The following ATP7B variants were observed in gnomAD, a reference collection of about 807,000 sequenced individuals.
The protein encoded by ATP7B is ATPase copper transporting beta, also known as copper-transporting ATPase 2.
Under a neutral mutation model 118.9 loss-of-function variants are expected in ATP7B, and 113 were observed. That is an observed-to-expected ratio of 0.95 (90% CI 0.82 to 1.11). ATP7B has a LOEUF of 1.11. Ranked by LOEUF, ATP7B falls within the 50% of genes most tolerant of loss-of-function variation. The probability of loss-of-function intolerance (pLI) is 0.00; values close to 1 mark genes in which losing one functional copy is unlikely to be tolerated. For synonymous variants in ATP7B, 777 were observed against 727.4 expected (o/e 1.07, Z -1.10); for missense variants, 1,867 against 1,871.4 (o/e 1.00, Z 0.04).
chr13:51,937,513 T>C lies in ATP7B; in HGVS notation c.3866A>G (p.Asp1289Gly), dbSNP rs1330898210. Reference sequence around the variant, plus strand: ...GACGTCGGCTGCCTCGATGGCCACATCCGTGCCGGTGCCAATGGCCACACC... The same window carrying C: ...GACGTCGGCTGCCTCGATGGCCACACCCGTGCCGGTGCCAATGGCCACACC... ...DMGVAIGTGT[D>G]VAIEAADVVL... The change falls in exon 18 of 21, where the codon GAT (aspartate) becomes GGT (glycine). Residue 1289 changes from aspartate (D) to glycine (G), a missense_variant. Asp to Gly is a moderately conservative substitution (Grantham distance 94). Transcript: ENST00000242839. The C allele has an allele frequency of 2.5e-6, 4 of 1,614,126 alleles. No individual in the cohort carries two copies. Among genetic ancestry groups the C allele is most frequent in the Non-Finnish European group, 3.4e-6 (4 of 1,180,016 alleles).
intron 1 of ATP7B, among the ~76,000 whole-genome samples, chr13:51,978,001 A>C (rs920760864): frequency 2.0e-5 from 3 of 152,254 alleles, no homozygotes; most frequent in African/African-American, 7.2e-5. Context: ...GGCAGATCAA[A>C]GATTAACATG....
At position 51,944,215 on chromosome 13, in the gene ATP7B, C is replaced by G; in HGVS notation, c.3137G>C (p.Gly1046Ala). 6.2e-7 allele frequency: 1 copy of G among 1,614,160 alleles called. No individual in the cohort carries two copies. The highest frequency in any genetic ancestry group is 1.1e-5 in the South Asian group (1 of 91,082). The stretch of plus-strand genomic sequence containing the variant: ...CCTGAGGGGCAGTGTGGCCACATCC[C>G]CCAGCAGGAGCACCCGCATGACCCT... ...VPRVMRVLLLGDVATLPLRKV... is the reference protein window; with the variant it reads ...VPRVMRVLLLADVATLPLRKV... Residue 1046 changes from glycine to alanine, a missense_variant, in exon 14 of 21, where the codon GGG (glycine) becomes GCG (alanine). By Grantham distance (60) the Gly-to-Ala change is moderately conservative. Transcript: ENST00000242839.
chr13:51,967,224 C>T (rs929180655), intron 4 of ATP7B: 4 of 1,020,764 alleles, frequency 3.9e-6, no homozygotes, highest in African/African-American at 1.6e-5. Flanking sequence ...AATCTCCATA[C>T]TGTTTCTTTC....
rs1334355798 is a variant in ATP7B at position 51,946,300 on chromosome 13, A to C, written c.3044T>G (p.Leu1015Arg). 6.3e-7 allele frequency: 1 copy of C among 1,593,506 alleles called. No individual in the cohort carries two copies. Among genetic ancestry groups the C allele is most frequent in the East Asian group, 2.3e-5 (1 of 44,126 alleles). ...NGILIKGGKP[L>R]EMAHKIKTVM... ...CAGGCTGACCTTGTGCGCCATCTCC[A>C]GGGGCTTGCCTCCCTTGATGAGGAT... Residue 1015 changes from leucine (L) to arginine (R), a missense_variant, in exon 13 of 21, where the codon CTG becomes CGG. Leu to Arg is a moderately radical substitution (Grantham distance 102, BLOSUM62 -2). Transcript: ENST00000242839.
chr13:51,963,260 A>G (rs1750047379), intron 5 of ATP7B, among the ~76,000 whole-genome samples: 1 of 152,192 alleles, frequency 6.6e-6, no homozygotes, highest in African/African-American at 2.4e-5. Flanking sequence ...CACAAAGGCC[A>G]CTGAGCTCGG....
At chr13:51,993,470 G>C (rs1953037662) in intron 1 of ATP7B, among the ~76,000 whole-genome samples, 1 of 152,086 alleles carries the variant, frequency 6.6e-6, no homozygotes, top group South Asian at 2.1e-4. Flanking sequence ...GGCTGAGGCA[G>C]GAAAATCATT....
At position 51,934,989 on chromosome 13, in the gene ATP7B, G is replaced by A; in HGVS notation, c.4165C>T (p.His1389Tyr). ...GCCGTCAGGGGCTTCATGTGGCCAT[G>A]CGCCTGTGCCTCATACCTCTCCAGG... ...PDLERYEAQA[H>Y]GHMKPLTASQ... The change falls in exon 21 of 21, where the codon CAT (histidine) becomes TAT (tyrosine). Residue 1389 changes from histidine (H) to tyrosine (Y), a missense_variant. Physicochemically the swap from His to Tyr is moderately conservative, Grantham distance 83. Transcript: ENST00000242839. 1.2e-6 allele frequency: 2 copies of A among 1,614,080 alleles called. No homozygotes were observed. The highest frequency in any genetic ancestry group is 1.1e-5 in the South Asian group (1 of 91,084).
intron 1 of ATP7B, among the ~76,000 whole-genome samples, chr13:51,991,421 G>T (rs1000013230): frequency 6.6e-6 from 1 of 152,054 alleles, no homozygotes; most frequent in African/African-American, 2.4e-5. Context: ...TTGAGCTCGG[G>T]AGGTGGAGGT....
intron 13 of ATP7B, 88 bp downstream of exon 13, chr13:51,946,196 T>C: frequency 6.7e-7 from 1 of 1,495,150 alleles, no homozygotes; most frequent in Non-Finnish European, 9.0e-7. Flanking sequence ...CTGTCTTGAG[T>C]GGCTCTCAGG....
intron 12 of ATP7B, 102 bp downstream of exon 12, chr13:51,949,560 G>T: frequency 6.6e-7 from 1 of 1,517,430 alleles, no homozygotes; most frequent in Non-Finnish European, 9.1e-7. Flanking sequence ...AAAATGTAAT[G>T]AATAATTAAA....
chr13:51,934,330 C>T lies in ATP7B; in HGVS notation c.*426G>A, dbSNP rs893642668. ...GTCTCAGAAACATGATGCACACAGA[C>T]AGGCGTCATCAGAAAGACCCTGACA... On this transcript the variant is annotated 3_prime_UTR_variant, in exon 21 of 21. Coordinates refer to ENST00000242839, the MANE Select transcript of ATP7B (RefSeq NM_000053.4). The T allele has an allele frequency of 3.4e-6, 1 of 295,986 alleles. No homozygotes were observed. Among genetic ancestry groups the T allele is most frequent in the Non-Finnish European group, 6.7e-6 (1 of 149,062 alleles). The allele number at this position is 295,986 out of a possible 1,614,324, so 18.3% of individuals were successfully genotyped here.
At chr13:51,993,499 G>A (rs920854081) in intron 1 of ATP7B, among the ~76,000 whole-genome samples, 1 of 152,056 alleles carries the variant, frequency 6.6e-6, no homozygotes, top group Admixed American at 6.6e-5. Flanking sequence ...GAAGGTCGAG[G>A]GTGCTATGAG....
intron 15 of ATP7B, 145 bp from the exon 16 acceptor site, chr13:51,941,369 T>TA: frequency 1.1e-6 from 1 of 950,282 alleles, no homozygotes; most frequent in Admixed American, 2.6e-5. Context: ...CAGCATCCTT[T>TA]AGGACAAAAA....
chr13:51,970,816 T>A, intron 2 of ATP7B, 67 bp from the exon 3 acceptor site: 1 of 1,549,550 alleles, frequency 6.5e-7, no homozygotes. Flanking sequence ...GAACAAGAGG[T>A]TTCAGGGCTC....
At chr13:51,993,148 G>A (rs555010243) in intron 1 of ATP7B, among the ~76,000 whole-genome samples, 2 of 151,826 alleles carry the variant, frequency 1.3e-5, no homozygotes, top group Non-Finnish European at 2.9e-5. Flanking sequence ...ATACATACAC[G>A]TATACACATT....
intron 9 of ATP7B, among the ~76,000 whole-genome samples, chr13:51,951,310 T>C (rs780365693): frequency 3.3e-5 from 5 of 151,730 alleles, no homozygotes; most frequent in South Asian, 2.1e-4. Flanking sequence ...ACTGGGTGGA[T>C]AGAGAAACCA....
chr13:51,953,988 G>A (rs1266922915), intron 9 of ATP7B, among the ~76,000 whole-genome samples: 1 of 152,066 alleles, frequency 6.6e-6, no homozygotes, highest in Non-Finnish European at 1.5e-5. Context: ...CATTCCACCA[G>A]TGAGTATCTC....
intron 1 of ATP7B, among the ~76,000 whole-genome samples, chr13:51,995,576 C>T (rs1280070712): frequency 6.6e-6 from 1 of 152,176 alleles, no homozygotes; most frequent in Non-Finnish European, 1.5e-5. Context: ...CACGGCTTCC[C>T]TCCTCACTAA....
chr13:51,934,449 A>T lies in ATP7B; in HGVS notation c.*307T>A. ...CACAGCAGTCATCCTAAATACTCCA[A>T]GCAGAGGTCTGTGAGGAGGGTGACT... On this transcript the variant is annotated 3_prime_UTR_variant, in exon 21 of 21. Coordinates refer to ENST00000242839, the MANE Select transcript of ATP7B (RefSeq NM_000053.4). 1 of 449,230 alleles carries T rather than the reference A, an allele frequency of 2.2e-6. No individual in the cohort carries two copies. Among genetic ancestry groups the T allele is most frequent in the South Asian group, 2.1e-5 (1 of 47,852 alleles). 27.8% of individuals were successfully genotyped at this position (449,230 alleles called of 1,614,324 possible).
Sources: allele counts gnomAD v4.1 joint callset (sites outside exome capture counted in the v4.1 genomes callset), GRCh38; gene constraint gnomAD v4.1.1; transcripts MANE v1.5; gene names NCBI Gene and HGNC (gene_info 2026-07-23, HGNC 2026-07-21).